TMEM120B: variants seen among roughly 807,000 people sequenced by gnomAD.
TMEM120B encodes transmembrane protein 120B.
In TMEM120B, 31 loss-of-function variants were observed where a neutral mutation model predicts 55.5. The ratio of observed to expected loss-of-function variants is 0.56; its 90% CI spans 0.42 to 0.75. TMEM120B has a LOEUF of 0.75. Among genes scored for constraint, TMEM120B ranks in the 30% least tolerant of loss-of-function variants. TMEM120B has a pLI of 0.00. For missense variants in TMEM120B, 399 were observed against 425.5 expected (o/e 0.94, Z 0.55); for synonymous variants, 203 against 176.3 (o/e 1.15, Z -1.20).
intron 6 of TMEM120B, among the ~76,000 whole-genome samples, chr12:121,767,449 C>T (rs763599288): frequency 2.0e-5 from 3 of 152,200 alleles, no homozygotes; most frequent in Admixed American, 6.5e-5. Context: ...CGTGAGCCAC[C>T]GCGCCCAGCT....
intron 5 of TMEM120B, among the ~76,000 whole-genome samples, chr12:121,760,896 A>G (rs1873655845): frequency 6.6e-6 from 1 of 152,190 alleles, no homozygotes; most frequent in African/African-American, 2.4e-5. Flanking sequence ...TACATGTAAC[A>G]AAGTTTACAG....
chr12:121,720,008 A>G (rs112960574), intron 1 of TMEM120B, among the ~76,000 whole-genome samples: 1,662 of 152,148 alleles, frequency 0.011, 25 homozygotes, highest in Non-Finnish European at 0.015. Flanking sequence ...CCCACACTAC[A>G]TTCTTGATGA....
chr12:121,762,559 C>T (rs1873715064), intron 6 of TMEM120B, among the ~76,000 whole-genome samples: 1 of 152,210 alleles, frequency 6.6e-6, no homozygotes, highest in Admixed American at 6.5e-5. Flanking sequence ...AGTGCTGTGA[C>T]TGGCCAGGCT....
intron 5 of TMEM120B, among the ~76,000 whole-genome samples, chr12:121,757,022 C>T (rs772747328): frequency 9.9e-5 from 15 of 151,972 alleles, no homozygotes; most frequent in Non-Finnish European, 1.6e-4. Flanking sequence ...GTCATGACTT[C>T]GGCAGCACCA....
intron 1 of TMEM120B, among the ~76,000 whole-genome samples, chr12:121,728,658 G>A (rs886250585): frequency 6.6e-6 from 1 of 152,104 alleles, no homozygotes; most frequent in Non-Finnish European, 1.5e-5. Context: ...AGCCCCAACT[G>A]GGAAGGTAAA....
chr12:121,738,340 T>G (rs1872816689), intron 1 of TMEM120B, among the ~76,000 whole-genome samples: 2 of 152,112 alleles, frequency 1.3e-5, no homozygotes, highest in South Asian at 4.1e-4. Flanking sequence ...CTTGTGACAT[T>G]AAATATTAAT....
intron 1 of TMEM120B, among the ~76,000 whole-genome samples, chr12:121,736,726 G>A (rs189838613): frequency 2.2e-3 from 334 of 151,708 alleles, no homozygotes; most frequent in African/African-American, 7.2e-3. Flanking sequence ...TGTAATTTTA[G>A]TAGAGATGAG....
intron 1 of TMEM120B, among the ~76,000 whole-genome samples, chr12:121,719,045 G>A (rs541219241): frequency 7.5e-4 from 114 of 152,168 alleles, no homozygotes; most frequent in African/African-American, 2.6e-3. Context: ...TTCAGCAAGC[G>A]TCCCAGGGCT....
chr12:121,742,837 A>G (rs1872973858), intron 1 of TMEM120B, among the ~76,000 whole-genome samples: 1 of 152,146 alleles, frequency 6.6e-6, no homozygotes, highest in African/African-American at 2.4e-5. Flanking sequence ...AGCCTCCCAA[A>G]GTGCTGGGAT....
chr12:121,776,063 G>C lies in TMEM120B; in HGVS notation c.*341G>C. On this transcript the variant is annotated 3_prime_UTR_variant, in exon 12 of 12. Transcript: ENST00000449592. ...CCACTCCTGTCATTTGAACCCCTCT[G>C]GGTGGGGTTTGGATGTGCCTCGCGG... The C allele has an allele frequency of 1.8e-6, 1 of 563,736 alleles. No homozygotes were observed. Among genetic ancestry groups the C allele is most frequent in the African/African-American group, 1.9e-5 (1 of 52,926 alleles). 34.9% of individuals were successfully genotyped at this position (563,736 alleles called of 1,614,324 possible).
At chr12:121,717,804 T>C in intron 1 of TMEM120B, among the ~76,000 whole-genome samples, 1 of 152,162 alleles carries the variant, frequency 6.6e-6, no homozygotes, top group East Asian at 1.9e-4. Flanking sequence ...ATTACAGATG[T>C]GTGCCACCAC....
intron 5 of TMEM120B, among the ~76,000 whole-genome samples, chr12:121,757,124 C>T (rs552207559): frequency 2.6e-4 from 35 of 134,484 alleles, no homozygotes; most frequent in African/African-American, 9.3e-4. Flanking sequence ...GGAGGGAGCT[C>T]GGCCTCCCTG....
At chr12:121,713,059 G>A in intron 1 of TMEM120B, 95 bp downstream of exon 1, 2 of 1,089,298 alleles carry the variant, frequency 1.8e-6, no homozygotes, top group South Asian at 1.7e-5. Context: ...GGGACAGTCA[G>A]GGCCTAGGGA....
chr12:121,780,654 G>A lies in TMEM120B; in HGVS notation c.*4932G>A, dbSNP rs943472312. The A allele has an allele frequency of 3.4e-6, 2 of 596,324 alleles. No homozygotes were observed. The highest frequency in any genetic ancestry group is 2.9e-5 in the East Asian group (1 of 34,572). 36.9% of individuals were successfully genotyped at this position (596,324 alleles called of 1,614,324 possible). On this transcript the variant is annotated 3_prime_UTR_variant, in exon 12 of 12. Transcript: ENST00000449592. ...CAGTTTCTCCCCCTGTAAACTGGGG[G>A]ATGTGAACAGCGCCTGCCTCCGAGT...
chr12:121,773,540 C>T (rs766045975), intron 9 of TMEM120B, 27 bp downstream of exon 9: 10 of 1,551,084 alleles, frequency 6.4e-6, no homozygotes, highest in Middle Eastern at 1.9e-4. Context: ...GGGTTGGAGC[C>T]GGGGCAGGTA....
At chr12:121,717,526 G>A (rs758299161) in intron 1 of TMEM120B, among the ~76,000 whole-genome samples, 1 of 152,190 alleles carries the variant, frequency 6.6e-6, no homozygotes, top group Non-Finnish European at 1.5e-5. Flanking sequence ...GCCTGTCAGT[G>A]CAGGAGCCAG....
intron 4 of TMEM120B, among the ~76,000 whole-genome samples, chr12:121,750,913 C>A (rs1441625826): frequency 1.8e-5 from 2 of 111,674 alleles, no homozygotes; most frequent in Non-Finnish European, 3.8e-5. Flanking sequence ...ACACCCCACA[C>A]CCCACACCCA....
chr12:121,769,307 T>C (rs369778408), intron 6 of TMEM120B, among the ~76,000 whole-genome samples: 2 of 152,062 alleles, frequency 1.3e-5, no homozygotes, highest in East Asian at 1.9e-4. Flanking sequence ...GCCTGGGGCA[T>C]GTAGCTCCTG....
chr12:121,775,896 G>GC lies in TMEM120B; in HGVS notation c.*177dup. 2 of 684,334 alleles carry GC rather than the reference G, an allele frequency of 2.9e-6. No individual in the cohort carries two copies. 42.4% of individuals were successfully genotyped at this position (684,334 alleles called of 1,614,324 possible). A position where few individuals can be genotyped will look rare whatever the true frequency, so the allele number is the denominator to read the frequency against. Reference sequence around the variant, plus strand: ...AGCCCCGCCTGTCCGCACAGTGTCCGCCCACCTATTTATGACATATTTAAT... The same window carrying GC: ...AGCCCCGCCTGTCCGCACAGTGTCCGCCCCACCTATTTATGACATATTTAAT... On this transcript the variant is annotated 3_prime_UTR_variant, in exon 12 of 12. Transcript: ENST00000449592. This position sits in a 1 kb window ranked among gnomAD's most constrained non-coding sequence, Gnocchi z 4.3.
Sources: gnomAD v4.1 joint callset for allele counts (sites outside exome capture counted in the v4.1 genomes callset) on GRCh38, gnomAD v4.1.1 for gene constraint, Gnocchi (gnomAD v3.1) non-coding constraint, MANE v1.5 for transcripts, NCBI Gene and HGNC (gene_info 2026-07-23, HGNC 2026-07-21) for gene names.